PPP3CA: variants seen among roughly 807,000 people sequenced by gnomAD.
PPP3CA encodes the protein CAM-PRP catalytic subunit.
Under a neutral mutation model 66.5 loss-of-function variants are expected in PPP3CA, and 14 were observed. That is an observed-to-expected ratio of 0.21 (90% CI 0.14 to 0.33). PPP3CA has a LOEUF of 0.33. Among genes scored for constraint, PPP3CA ranks in the 10% least tolerant of loss-of-function variants. The pLI, the probability that PPP3CA is intolerant of heterozygous loss-of-function variation, is 1.00. For missense variants in PPP3CA, 317 were observed against 639.5 expected (o/e 0.50, Z 5.44); for synonymous variants, 232 against 226.2 (o/e 1.03, Z -0.23).
At chr4:101,170,987 C>T (rs1300513255) in intron 2 of PPP3CA, 1 of 289,918 alleles carries the variant, frequency 3.4e-6, no homozygotes, top group African/African-American at 2.2e-5. Flanking sequence ...AAAATTCAAT[C>T]CCATTTAAAA....
At chr4:101,186,679 A>G (rs116215088) in intron 2 of PPP3CA, among the ~76,000 whole-genome samples, 1,622 of 152,290 alleles carry the variant, frequency 0.011, 29 homozygotes, top group African/African-American at 0.031. Flanking sequence ...TTTGGAATTT[A>G]GAAAAGGTAA....
intron 1 of PPP3CA, among the ~76,000 whole-genome samples, chr4:101,229,461 T>G (rs1192567641): frequency 6.6e-6 from 1 of 151,700 alleles, no homozygotes; most frequent in Non-Finnish European, 1.5e-5. Context: ...AGATAAACAT[T>G]CTAGCAAAAG....
chr4:101,253,453 G>A lies in PPP3CA; in HGVS notation c.59-57337C>T, dbSNP rs560412809. 3.3e-5 allele frequency among the ~76,000 whole-genome samples: 5 copies of A among 152,052 alleles called. No homozygotes were observed. In the East Asian group the frequency reaches 9.7e-4, roughly 29 times the overall value. On this transcript the variant is annotated intron_variant, in intron 1 of 13. Transcript: ENST00000394854. ...TCTTTCTTGAACTCTTCCAACATTT[G>A]GAATACATATACCAAGCACCTTCAA...
intron 1 of PPP3CA, among the ~76,000 whole-genome samples, chr4:101,262,428 T>G (rs556401512): frequency 6.6e-6 from 1 of 152,156 alleles, no homozygotes; most frequent in African/African-American, 2.4e-5. Context: ...TATTTATTTT[T>G]TGTCTGGGTT....
intron 2 of PPP3CA, among the ~76,000 whole-genome samples, chr4:101,159,382 C>T (rs1043028520): frequency 1.3e-5 from 2 of 152,198 alleles, no homozygotes; most frequent in East Asian, 1.9e-4. Flanking sequence ...TCCCCAGCCC[C>T]TCATTCCCTA....
chr4:101,044,745 TG>T (rs1261903542), intron 10 of PPP3CA, among the ~76,000 whole-genome samples: 1 of 152,160 alleles, frequency 6.6e-6, no homozygotes, highest in African/African-American at 2.4e-5. Flanking sequence ...TTCCTCAACA[TG>T]GGGGAGGCTA....
intron 1 of PPP3CA, among the ~76,000 whole-genome samples, chr4:101,207,197 C>T (rs1463336987): frequency 6.6e-6 from 1 of 152,196 alleles, no homozygotes; most frequent in Non-Finnish European, 1.5e-5. Flanking sequence ...TGCCCCACTG[C>T]TAACATCCTA....
intron 8 of PPP3CA, among the ~76,000 whole-genome samples, chr4:101,076,591 G>A (rs1578424142): frequency 6.6e-6 from 1 of 152,154 alleles, no homozygotes. Context: ...GCAGAAGAAT[G>A]AGACAAATAT....
chr4:101,126,002 G>A (rs75010460), intron 2 of PPP3CA, among the ~76,000 whole-genome samples: 3,112 of 152,200 alleles, frequency 0.02, 81 homozygotes, highest in African/African-American at 0.061. Context: ...ACATGGTAGG[G>A]GGTAGGAAGA....
At chr4:101,141,442 C>T (rs1393333389) in intron 2 of PPP3CA, among the ~76,000 whole-genome samples, 4 of 152,160 alleles carry the variant, frequency 2.6e-5, no homozygotes, top group Non-Finnish European at 5.9e-5. Context: ...TCTCTAACCA[C>T]AGCTTCCCTC....
rs186025539 is a variant in PPP3CA, at chr4:101,284,261, T to C, written c.58+62478A>G. On this transcript the variant is annotated intron_variant, in intron 1 of 13. Transcript: ENST00000394854. The stretch of plus-strand genomic sequence containing the variant: ...TTCTGGAAATCTTGTATAGGATTTC[T>C]AGCCAATTTCAAGGGTTTCAAGTCT... Among the ~76,000 whole-genome samples the C allele has an allele frequency of 5.0e-3, 762 of 152,334 alleles. 6 individuals carry two copies. Among genetic ancestry groups the C allele is most frequent in the African/African-American group, 0.017 (716 of 41,582 alleles).
intron 1 of PPP3CA, among the ~76,000 whole-genome samples, chr4:101,301,569 C>G (rs1397012702): frequency 1.4e-5 from 2 of 147,192 alleles, no homozygotes; most frequent in Non-Finnish European, 3.0e-5. Flanking sequence ...CTCAGCTCAC[C>G]TCAACCTCTG....
intron 1 of PPP3CA, among the ~76,000 whole-genome samples, chr4:101,268,914 T>A (rs909730415): frequency 6.6e-6 from 1 of 152,158 alleles, no homozygotes; most frequent in Non-Finnish European, 1.5e-5. Context: ...TCATGGGACG[T>A]CCTGCTAAAT....
At chr4:101,092,916 T>A (rs1207573263) in intron 6 of PPP3CA, among the ~76,000 whole-genome samples, 1 of 152,218 alleles carries the variant, frequency 6.6e-6, no homozygotes, top group Non-Finnish European at 1.5e-5. Context: ...GCAATAAACA[T>A]GCATATACAT....
intron 1 of PPP3CA, among the ~76,000 whole-genome samples, chr4:101,230,267 T>G (rs972093428): frequency 6.6e-5 from 10 of 151,644 alleles, no homozygotes; most frequent in African/African-American, 1.2e-4. Flanking sequence ...CATCCCCACC[T>G]GCAATTCCTA....
At chr4:101,098,987 C>G (rs1560600860) in intron 4 of PPP3CA, among the ~76,000 whole-genome samples, 1 of 152,066 alleles carries the variant, frequency 6.6e-6, no homozygotes, top group Non-Finnish European at 1.5e-5. Flanking sequence ...AGTCTTTATG[C>G]TCCATTGAAT....
intron 1 of PPP3CA, among the ~76,000 whole-genome samples, chr4:101,228,413 T>C (rs1725850917): frequency 6.6e-6 from 1 of 151,640 alleles, no homozygotes; most frequent in South Asian, 2.1e-4. Context: ...TAATTTAATT[T>C]AAATATAAAC....
At chr4:101,039,183 T>C (rs1408570288) in intron 11 of PPP3CA, among the ~76,000 whole-genome samples, 2 of 144,868 alleles carry the variant, frequency 1.4e-5, no homozygotes, top group Non-Finnish European at 3.1e-5. Flanking sequence ...TACTTAAGTA[T>C]CTTTGCACTT....
intron 11 of PPP3CA, among the ~76,000 whole-genome samples, chr4:101,037,666 G>A (rs1191510295): frequency 6.6e-6 from 1 of 150,898 alleles, no homozygotes; most frequent in Non-Finnish European, 1.5e-5. Context: ...CAATCTTCAC[G>A]TTGCAATTAA....
Sources: allele counts gnomAD v4.1 joint callset (sites outside exome capture counted in the v4.1 genomes callset), GRCh38; gene constraint gnomAD v4.1.1; transcripts MANE v1.5; gene names NCBI Gene and HGNC (gene_info 2026-07-23, HGNC 2026-07-21).